The following DPP10 variants were observed in gnomAD, a reference collection of about 807,000 sequenced individuals.
The protein encoded by DPP10 is inactive dipeptidyl peptidase 10.
Under a neutral mutation model 120.9 loss-of-function variants are expected in DPP10, and 33 were observed. The ratio of observed to expected loss-of-function variants is 0.27; its 90% CI spans 0.21 to 0.37. The LOEUF is 0.37. Ranked by LOEUF, DPP10 falls within the 10% of genes least tolerant of loss-of-function variation. The probability of loss-of-function intolerance (pLI) is 1.00; values close to 1 mark genes in which losing one functional copy is unlikely to be tolerated. For synonymous variants in DPP10, 337 were observed against 326.1 expected (o/e 1.03, Z -0.36); for missense variants, 816 against 942.8 (o/e 0.87, Z 1.76).
chr2:115,401,915 C>G (rs984542196), intron 3 of DPP10, among the ~76,000 whole-genome samples: 1 of 151,580 alleles, frequency 6.6e-6, no homozygotes, highest in Non-Finnish European at 1.5e-5. Flanking sequence ...AAATTCAAAA[C>G]ATCTACTATA....
At chr2:115,415,295 T>C (rs1479111998) in intron 3 of DPP10, among the ~76,000 whole-genome samples, 1 of 152,154 alleles carries the variant, frequency 6.6e-6, no homozygotes, top group East Asian at 1.9e-4. Context: ...GCCTATATGA[T>C]CAGTTCAAGT....
intron 1 of DPP10, among the ~76,000 whole-genome samples, chr2:115,004,501 G>A (rs1234165467): frequency 6.6e-6 from 1 of 152,184 alleles, no homozygotes; most frequent in Non-Finnish European, 1.5e-5. Context: ...GCACAGGTCA[G>A]TGGGTGCGTG....
At chr2:115,161,678 T>C in intron 1 of DPP10, 1 of 334,178 alleles carries the variant, frequency 3.0e-6, no homozygotes, top group East Asian at 4.9e-5. Flanking sequence ...ACTTGCCGCT[T>C]GGTCTCGCCT....
intron 1 of DPP10, among the ~76,000 whole-genome samples, chr2:114,864,588 G>C (rs1690075193): frequency 6.6e-6 from 1 of 152,174 alleles, no homozygotes; most frequent in Non-Finnish European, 1.5e-5. Context: ...CTTATTTACA[G>C]GAAACTTGGA....
chr2:114,952,104 ACATATTAAAATCT>A (rs1558915075), intron 1 of DPP10, among the ~76,000 whole-genome samples: 1 of 152,002 alleles, frequency 6.6e-6, no homozygotes, highest in African/African-American at 2.4e-5. Flanking sequence ...TACCAAACTA[ACATATTAAAATCT>A]CATATTAAAA....
chr2:115,589,124 C>T (rs2082470431), intron 5 of DPP10, among the ~76,000 whole-genome samples: 1 of 152,134 alleles, frequency 6.6e-6, no homozygotes, highest in Admixed American at 6.5e-5. Flanking sequence ...TGATGAATTA[C>T]TAAAGTGAAC....
intron 1 of DPP10, among the ~76,000 whole-genome samples, chr2:115,276,199 A>T (rs562791567): frequency 6.6e-6 from 1 of 152,260 alleles, no homozygotes; most frequent in South Asian, 2.1e-4. Flanking sequence ...TAGAGAGGGG[A>T]GTATAAAGAT....
At chr2:115,408,909 C>G (rs528892240) in intron 3 of DPP10, among the ~76,000 whole-genome samples, 76 of 151,936 alleles carry the variant, frequency 5.0e-4, no homozygotes, top group African/African-American at 1.6e-3. Flanking sequence ...AAACTAAAGA[C>G]ACACAGATCA....
intron 3 of DPP10, among the ~76,000 whole-genome samples, chr2:115,475,062 G>C (rs1305485111): frequency 6.6e-6 from 1 of 152,176 alleles, no homozygotes; most frequent in Admixed American, 6.5e-5. Context: ...ATTCAAACAG[G>C]CTGCAGAAAT....
chr2:115,243,035 A>G lies in DPP10; in HGVS notation c.61-66204A>G, dbSNP rs536792128. 3.9e-5 allele frequency among the ~76,000 whole-genome samples: 6 copies of G among 152,232 alleles called. No individual in the cohort carries two copies. In the South Asian group the frequency reaches 1.2e-3, roughly 32 times the overall value. On this transcript the variant is annotated intron_variant, in intron 1 of 25. Transcript: ENST00000410059. The stretch of plus-strand genomic sequence containing the variant: ...TTATAGTGTTTTATAACACACACAT[A>G]CACACACGTGTGCACCTAACATTTG...
intron 1 of DPP10, among the ~76,000 whole-genome samples, chr2:114,593,161 TAAA>T (rs1422909000): frequency 6.6e-6 from 1 of 152,046 alleles, no homozygotes; most frequent in African/African-American, 2.4e-5. Flanking sequence ...CAAATAAGTT[TAAA>T]AGGACAGTAA....
intron 1 of DPP10, among the ~76,000 whole-genome samples, chr2:115,145,314 C>T (rs577021763): frequency 2.9e-4 from 44 of 152,278 alleles, no homozygotes; most frequent in African/African-American, 1.0e-3. Flanking sequence ...CTTCCTCCCT[C>T]CTTTCAAATT....
intron 3 of DPP10, among the ~76,000 whole-genome samples, chr2:115,476,450 A>G (rs1485539754): frequency 1.3e-5 from 2 of 152,140 alleles, no homozygotes; most frequent in African/African-American, 2.4e-5. Context: ...TTTCTTTACA[A>G]ATCATCCAGT....
chr2:115,195,908 ATTAC>A (rs1460833218), intron 1 of DPP10, among the ~76,000 whole-genome samples: 3 of 152,122 alleles, frequency 2.0e-5, no homozygotes, highest in Non-Finnish European at 4.4e-5. Context: ...CTTTTGTTTT[ATTAC>A]TTCCAGTTTG....
Position 115,844,761 on chromosome 2 carries a change from C to A in DPP10, c.*2416C>A, listed in dbSNP as rs1427881091. The A allele has an allele frequency of 6.6e-6, 1 of 152,120 alleles. No homozygotes were observed. 9.4% of individuals were successfully genotyped at this position (152,120 alleles called of 1,614,324 possible). On this transcript the variant is annotated 3_prime_UTR_variant, in exon 26 of 26. Coordinates refer to ENST00000410059, the MANE Select transcript of DPP10 (RefSeq NM_020868.6). ...TTCCCTTAATGTTAAAGAAAAAAAT[C>A]AATATATTGAATTCTTTAATTAAAT... is the stretch of plus-strand genomic sequence containing the variant.
rs182911728 is a variant in DPP10 at position 114,884,110 on chromosome 2, A to G, written c.61-425129A>G. The stretch of plus-strand genomic sequence containing the variant: ...ACTTGGCTCTTTTTCCTGTTAATGT[A>G]TTAAAGATACCTTATAAATCAAATG... On this transcript the variant is annotated intron_variant, in intron 1 of 25. Coordinates refer to ENST00000410059, the MANE Select transcript of DPP10 (RefSeq NM_020868.6). Among the ~76,000 whole-genome samples, 65 of 152,242 alleles carry G rather than the reference A, an allele frequency of 4.3e-4. No individual in the cohort carries two copies. The Middle Eastern group carries it at 0.01, about 24-fold the overall frequency.
chr2:114,944,254 C>T (rs6735094), intron 1 of DPP10, among the ~76,000 whole-genome samples: 2,793 of 152,086 alleles, frequency 0.018, 86 homozygotes, highest in African/African-American at 0.061. Context: ...TTTATAGACC[C>T]TACACTATTA....
At chr2:115,767,816 T>A (rs973980651) in intron 12 of DPP10, among the ~76,000 whole-genome samples, 1 of 152,114 alleles carries the variant, frequency 6.6e-6, no homozygotes, top group Non-Finnish European at 1.5e-5. Context: ...TCAGTTAATT[T>A]ATGAATACAT....
chr2:115,721,231 T>C (rs1410001078), intron 7 of DPP10, among the ~76,000 whole-genome samples: 1 of 152,204 alleles, frequency 6.6e-6, no homozygotes, highest in Admixed American at 6.5e-5. Context: ...CAGTCCCCCA[T>C]GTCCATCACC....
Sources: gnomAD v4.1 joint callset for allele counts (sites outside exome capture counted in the v4.1 genomes callset) on GRCh38, gnomAD v4.1.1 for gene constraint, MANE v1.5 for transcripts, NCBI Gene and HGNC (gene_info 2026-07-23, HGNC 2026-07-21) for gene names.